The following CCSER1 variants were observed in gnomAD, a reference collection of about 807,000 sequenced individuals.
CCSER1 encodes the protein coiled-coil serine rich protein 1.
A neutral mutation model predicts 82.0 loss-of-function variants in CCSER1; 41 were observed. The observed-to-expected ratio is 0.50, with a 90% confidence interval of 0.39 to 0.65. The LOEUF (loss-of-function observed/expected upper bound fraction) is 0.65. Among genes scored for constraint, CCSER1 ranks in the 30% least tolerant of loss-of-function variants. The pLI is 0.00. For synonymous variants in CCSER1, 414 were observed against 383.9 expected (o/e 1.08, Z -0.92); for missense variants, 1,119 against 1,064.2 (o/e 1.05, Z -0.72).
At chr4:90,299,355 T>G (rs1048096035) in intron 1 of CCSER1, among the ~76,000 whole-genome samples, 2 of 152,154 alleles carry the variant, frequency 1.3e-5, no homozygotes, top group African/African-American at 4.8e-5. Context: ...ATTTCTTATA[T>G]AAGCAATTAT....
chr4:90,437,600 T>C (rs1406569457), intron 4 of CCSER1, among the ~76,000 whole-genome samples: 2 of 152,172 alleles, frequency 1.3e-5, no homozygotes, highest in Non-Finnish European at 2.9e-5. Context: ...TTCCAGATAA[T>C]GCATATAATG....
intron 3 of CCSER1, among the ~76,000 whole-genome samples, chr4:90,349,219 AT>A (rs1329488407): frequency 6.6e-6 from 1 of 152,122 alleles, no homozygotes; most frequent in Non-Finnish European, 1.5e-5. Context: ...GCATGAAATT[AT>A]TTTTTAAATC....
chr4:90,764,876 A>C (rs1028388126), intron 7 of CCSER1, among the ~76,000 whole-genome samples: 4 of 152,128 alleles, frequency 2.6e-5, no homozygotes, highest in Admixed American at 2.0e-4. Flanking sequence ...TGTCCCTTCC[A>C]AACACTTTAA....
chr4:91,600,115 G>C lies in CCSER1; in HGVS notation c.*1058G>C, dbSNP rs1430943594. The stretch of plus-strand genomic sequence containing the variant: ...AATCTAGATTTGGAACAAAAGTAAA[G>C]TAAATGTGAACATTGGCAATTTAAT... On this transcript the variant is annotated 3_prime_UTR_variant, in exon 11 of 11. Coordinates refer to ENST00000509176, the MANE Select transcript of CCSER1 (RefSeq NM_001145065.2). 6.6e-6 allele frequency: 1 copy of C among 152,080 alleles called. No individual in the cohort carries two copies. 9.4% of individuals were successfully genotyped at this position (152,080 alleles called of 1,614,324 possible).
chr4:90,661,973 C>T (rs1225115539), intron 6 of CCSER1, among the ~76,000 whole-genome samples: 3 of 150,426 alleles, frequency 2.0e-5, no homozygotes, highest in Admixed American at 6.6e-5. Context: ...GCTTGTTTGT[C>T]CTATACCACT....
intron 7 of CCSER1, among the ~76,000 whole-genome samples, chr4:90,730,950 A>T (rs1744598377): frequency 6.6e-6 from 1 of 152,184 alleles, no homozygotes; most frequent in East Asian, 1.9e-4. Flanking sequence ...ACATATGATG[A>T]AAAGCCATTA....
At chr4:91,398,474 A>T (rs1177300387) in intron 10 of CCSER1, among the ~76,000 whole-genome samples, 1 of 152,080 alleles carries the variant, frequency 6.6e-6, no homozygotes, top group African/African-American at 2.4e-5. Flanking sequence ...AAAAGCATCC[A>T]CAAGCAATGG....
intron 8 of CCSER1, among the ~76,000 whole-genome samples, chr4:90,838,050 T>A (rs1039304692): frequency 5.3e-5 from 8 of 152,098 alleles, no homozygotes; most frequent in Non-Finnish European, 1.2e-4. Flanking sequence ...TTTTGATTAA[T>A]TTAAGCAATT....
At chr4:90,415,674 G>C (rs1418356576) in intron 4 of CCSER1, among the ~76,000 whole-genome samples, 2 of 152,180 alleles carry the variant, frequency 1.3e-5, no homozygotes, top group Non-Finnish European at 2.9e-5. Context: ...ATTTGGGTTT[G>C]TGTTTTGGAA....
intron 5 of CCSER1, among the ~76,000 whole-genome samples, chr4:90,610,609 G>C (rs1450383396): frequency 6.6e-6 from 1 of 152,140 alleles, no homozygotes; most frequent in African/African-American, 2.4e-5. Context: ...TACCACTTGA[G>C]TGATTTGCTT....
At chr4:90,335,501 T>TA (rs1740210582) in intron 3 of CCSER1, among the ~76,000 whole-genome samples, 1 of 152,214 alleles carries the variant, frequency 6.6e-6, no homozygotes, top group Non-Finnish European at 1.5e-5. Context: ...TCCTAATACC[T>TA]AAGAATATGA....
chr4:90,345,248 G>A (rs1433619741), intron 3 of CCSER1, among the ~76,000 whole-genome samples: 1 of 152,090 alleles, frequency 6.6e-6, no homozygotes. Flanking sequence ...TGATTGCCAT[G>A]TTACTGACAA....
chr4:90,615,861 A>G (rs535696699), intron 5 of CCSER1, among the ~76,000 whole-genome samples: 1 of 152,268 alleles, frequency 6.6e-6, no homozygotes. Flanking sequence ...ACCAAATGGA[A>G]TTGCATGCTA....
intron 7 of CCSER1, among the ~76,000 whole-genome samples, chr4:90,790,946 C>A (rs1417819256): frequency 6.6e-6 from 1 of 152,076 alleles, no homozygotes; most frequent in African/African-American, 2.4e-5. Flanking sequence ...TATGAATGTA[C>A]TGTATTAGTC....
At chr4:90,773,510 G>A (rs1752504600) in intron 7 of CCSER1, among the ~76,000 whole-genome samples, 1 of 152,144 alleles carries the variant, frequency 6.6e-6, no homozygotes, top group South Asian at 2.1e-4. Context: ...GGTTAGGTTT[G>A]TGATTATTTT....
chr4:90,217,972 T>A (rs957773533), intron 1 of CCSER1, among the ~76,000 whole-genome samples: 2 of 151,702 alleles, frequency 1.3e-5, no homozygotes, highest in Non-Finnish European at 1.5e-5. Flanking sequence ...ATTTTAAAAT[T>A]TTTATTGTAT....
chr4:90,718,594 G>T lies in CCSER1; in HGVS notation c.1933-5320G>T, dbSNP rs544195295. Among the ~76,000 whole-genome samples, 504 of 152,156 alleles carry T rather than the reference G, an allele frequency of 3.3e-3. 4 individuals are homozygous for T. The highest frequency in any genetic ancestry group is 5.9e-3 in the Non-Finnish European group (404 of 67,986). ...AAACAATTTAACATCAGCTTTTCTG[G>T]GAGAACTTAATAGATTAAAGATTCT... On this transcript the variant is annotated intron_variant, in intron 6 of 10. Transcript: ENST00000509176.
intron 8 of CCSER1, among the ~76,000 whole-genome samples, chr4:90,878,664 A>C (rs1720736844): frequency 6.6e-6 from 1 of 152,172 alleles, no homozygotes; most frequent in Non-Finnish European, 1.5e-5. Context: ...GTCCCTGCAC[A>C]AATTAAAAAC....
intron 10 of CCSER1, among the ~76,000 whole-genome samples, chr4:91,524,034 C>T (rs548248778): frequency 3.9e-5 from 6 of 152,120 alleles, no homozygotes; most frequent in African/African-American, 1.4e-4. Flanking sequence ...TACAAACTGC[C>T]TTTTCATTAC....
Sources: allele counts gnomAD v4.1 joint callset (sites outside exome capture counted in the v4.1 genomes callset), GRCh38; gene constraint gnomAD v4.1.1; transcripts MANE v1.5; gene names NCBI Gene and HGNC (gene_info 2026-07-23, HGNC 2026-07-21).